The following PCDH9 variants were observed in gnomAD, a reference collection of about 807,000 sequenced individuals.
The protein encoded by PCDH9 is protocadherin-9.
PCDH9 carries 24 observed loss-of-function variants against 70.6 expected under a neutral mutation model. That is an observed-to-expected ratio of 0.34 (90% CI 0.25 to 0.48). The LOEUF is 0.48. Ranked by LOEUF, PCDH9 falls within the 20% of genes least tolerant of loss-of-function variation. PCDH9 has a pLI of 0.99. For synonymous variants in PCDH9, 562 were observed against 558.5 expected (o/e 1.01, Z -0.09); for missense variants, 1,281 against 1,503.6 (o/e 0.85, Z 2.45).
chr13:67,019,884 C>G (rs2084641251), intron 2 of PCDH9, among the ~76,000 whole-genome samples: 1 of 152,212 alleles, frequency 6.6e-6, no homozygotes, highest in African/African-American at 2.4e-5. Flanking sequence ...TTGCAGTTAA[C>G]TGGGAGAGAG....
chr13:66,480,101 C>T (rs933899390), intron 4 of PCDH9, among the ~76,000 whole-genome samples: 1 of 152,184 alleles, frequency 6.6e-6, no homozygotes, highest in Non-Finnish European at 1.5e-5. Context: ...AAGGAACCAA[C>T]TCCTAACACA....
At chr13:66,497,238 T>G (rs1029014903) in intron 4 of PCDH9, among the ~76,000 whole-genome samples, 1 of 152,022 alleles carries the variant, frequency 6.6e-6, no homozygotes, top group African/African-American at 2.4e-5. Flanking sequence ...CTGGCTATTT[T>G]TTTTTTTGTA....
At chr13:66,894,859 G>C (rs1373197140) in intron 3 of PCDH9, among the ~76,000 whole-genome samples, 1 of 151,322 alleles carries the variant, frequency 6.6e-6, no homozygotes. Context: ...CCAGGCTGGA[G>C]TGCAGTGGCA....
chr13:66,785,489 T>C (rs945595270), intron 3 of PCDH9, among the ~76,000 whole-genome samples: 34 of 152,160 alleles, frequency 2.2e-4, no homozygotes, highest in African/African-American at 8.2e-4. Context: ...AAATTTCTCC[T>C]TATTTTTAAT....
chr13:66,599,484 T>TA (rs2077139976), intron 4 of PCDH9, among the ~76,000 whole-genome samples: 1 of 151,902 alleles, frequency 6.6e-6, no homozygotes, highest in Admixed American at 6.6e-5. Flanking sequence ...TTTTACTTTC[T>TA]AAAAATTATT....
intron 4 of PCDH9, among the ~76,000 whole-genome samples, chr13:66,354,853 C>A (rs1407099176): frequency 2.0e-5 from 3 of 152,064 alleles, no homozygotes; most frequent in Admixed American, 6.6e-5. Flanking sequence ...ACAGACAAGG[C>A]AGACATTATT....
chr13:66,456,347 G>A (rs1158994198), intron 4 of PCDH9, among the ~76,000 whole-genome samples: 1 of 151,948 alleles, frequency 6.6e-6, no homozygotes, highest in Non-Finnish European at 1.5e-5. Flanking sequence ...CTATAACCTC[G>A]AACTCCTAAC....
At chr13:66,836,218 T>A (rs1005009489) in intron 3 of PCDH9, among the ~76,000 whole-genome samples, 3 of 152,204 alleles carry the variant, frequency 2.0e-5, no homozygotes, top group African/African-American at 7.2e-5. Flanking sequence ...ATTTCTCTTA[T>A]ACTCTTGACC....
intron 3 of PCDH9, among the ~76,000 whole-genome samples, chr13:66,698,652 C>T (rs2078594618): frequency 6.6e-6 from 1 of 152,076 alleles, no homozygotes; most frequent in South Asian, 2.1e-4. Flanking sequence ...GATCATAGCT[C>T]ACTACAGCCT....
chr13:67,166,049 T>C (rs886766563), intron 2 of PCDH9, among the ~76,000 whole-genome samples: 1 of 152,168 alleles, frequency 6.6e-6, no homozygotes, highest in Non-Finnish European at 1.5e-5. Context: ...AAAAAAGTCG[T>C]GGTGTGGAGT....
In PCDH9 at chr13:66,665,664, CTAT is replaced by C. The variant is rs775193204; in HGVS notation, c.3139-34256_3139-34254del. Among the ~76,000 whole-genome samples, 10 of 152,214 alleles carry C rather than the reference CTAT, an allele frequency of 6.6e-5. 1 individual carries two copies. The East Asian group carries it at 1.5e-3, about 24-fold the overall frequency. The stretch of plus-strand genomic sequence containing the variant: ...ATACCTCTGGGGCACATGATGTAGT[CTAT>C]TTTTTAATGTGGTCATCTTATGTTC... On this transcript the variant is annotated intron_variant, in intron 3 of 4. Coordinates refer to ENST00000377865, the MANE Select transcript of PCDH9 (RefSeq NM_203487.3).
At chr13:67,224,730 C>CTTTT (rs200944675) in intron 2 of PCDH9, 27 of 527,936 alleles carry the variant, frequency 5.1e-5, no homozygotes, top group African/African-American at 2.8e-4. Flanking sequence ...AGCAAGCATT[C>CTTTT]TTTTTTTTTT....
At chr13:66,559,799 C>CAAAAAAAA (rs71205593) in intron 4 of PCDH9, among the ~76,000 whole-genome samples, 8 of 10,256 alleles carry the variant, frequency 7.8e-4, no homozygotes, top group African/African-American at 1.2e-3. Flanking sequence ...GACTCCATCT[C>CAAAAAAAA]AAAAAAAAAA....
intron 4 of PCDH9, among the ~76,000 whole-genome samples, chr13:66,351,520 A>G (rs1956290879): frequency 6.6e-6 from 1 of 152,192 alleles, no homozygotes; most frequent in Admixed American, 6.5e-5. Flanking sequence ...ATCAGTATTT[A>G]TGAAATAATG....
chr13:66,449,324 A>G (rs1566334216), intron 4 of PCDH9, among the ~76,000 whole-genome samples: 1 of 152,200 alleles, frequency 6.6e-6, no homozygotes, highest in Non-Finnish European at 1.5e-5. Flanking sequence ...ATAAAACTTC[A>G]AAGTGATTAC....
rs149990736 is a variant in PCDH9 at position 66,432,390 on chromosome 13, C to T, written c.3341-127362G>A. On this transcript the variant is annotated intron_variant, in intron 4 of 4. Coordinates refer to ENST00000377865, the MANE Select transcript of PCDH9 (RefSeq NM_203487.3). Reference sequence around the variant, plus strand: ...ACTTAAGAAAATCGGAGCATGATTACTTTCAAAGTAATAATTATTCATGAC... The same window carrying T: ...ACTTAAGAAAATCGGAGCATGATTATTTTCAAAGTAATAATTATTCATGAC... Among the ~76,000 whole-genome samples, 83 of 152,082 alleles carry T rather than the reference C, an allele frequency of 5.5e-4. 1 individual carries two copies. Among genetic ancestry groups the T allele is most frequent in the African/African-American group, 1.4e-3 (60 of 41,534 alleles).
At chr13:66,944,218 A>G (rs1173337074) in intron 2 of PCDH9, among the ~76,000 whole-genome samples, 1 of 151,584 alleles carries the variant, frequency 6.6e-6, no homozygotes, top group Non-Finnish European at 1.5e-5. Flanking sequence ...TACATTTTCA[A>G]TAAATGTTCT....
intron 2 of PCDH9, among the ~76,000 whole-genome samples, chr13:67,065,997 T>C (rs1409085451): frequency 6.6e-6 from 1 of 152,146 alleles, no homozygotes; most frequent in Non-Finnish European, 1.5e-5. Flanking sequence ...CTGACTCAAA[T>C]TTTCTGGATA....
At chr13:66,413,933 A>G (rs915526432) in intron 4 of PCDH9, among the ~76,000 whole-genome samples, 1 of 152,012 alleles carries the variant, frequency 6.6e-6, no homozygotes, top group Non-Finnish European at 1.5e-5. Flanking sequence ...CAGATTTTAA[A>G]CTGGTTCCTT....
Sources: gnomAD v4.1 joint callset for allele counts (sites outside exome capture counted in the v4.1 genomes callset) on GRCh38, gnomAD v4.1.1 for gene constraint, MANE v1.5 for transcripts, NCBI Gene and HGNC (gene_info 2026-07-23, HGNC 2026-07-21) for gene names.